NCOA2: variants seen among roughly 807,000 people sequenced by gnomAD.
The protein encoded by NCOA2 is nuclear receptor coactivator 2, also known as class E basic helix-loop-helix protein 75.
Under a neutral mutation model 145.1 loss-of-function variants are expected in NCOA2, and 21 were observed. That is an observed-to-expected ratio of 0.14 (90% confidence interval 0.10 to 0.21). The LOEUF (loss-of-function observed/expected upper bound fraction) is 0.21, where lower values mean the gene tolerates loss of function less well. Among genes scored for constraint, NCOA2 ranks in the 10% least tolerant of loss-of-function variants. The probability of loss-of-function intolerance (pLI) is 1.00; values close to 1 mark genes in which losing one functional copy is unlikely to be tolerated. For synonymous variants in NCOA2, 619 were observed against 637.5 expected (o/e 0.97, Z 0.44); for missense variants, 1,472 against 1,837.6 (o/e 0.80, Z 3.64).
At chr8:70,235,849 A>T (rs1478814900) in intron 2 of NCOA2, among the ~76,000 whole-genome samples, 1 of 152,198 alleles carries the variant, frequency 6.6e-6, no homozygotes, top group Non-Finnish European at 1.5e-5. Context: ...GTCTCAAAAA[A>T]CAAATTTTTT....
intron 2 of NCOA2, among the ~76,000 whole-genome samples, chr8:70,253,380 G>C (rs1367404081): frequency 6.6e-6 from 1 of 151,992 alleles, no homozygotes; most frequent in African/African-American, 2.4e-5. Flanking sequence ...CTGCCCTCCA[G>C]GGACTCATAA....
At chr8:70,170,555 T>C (rs186562136) in intron 5 of NCOA2, among the ~76,000 whole-genome samples, 176 bp from the exon 6 acceptor site, 16 of 152,302 alleles carry the variant, frequency 1.1e-4, no homozygotes, top group East Asian at 1.9e-4. Context: ...CTTGGTGAAA[T>C]AGAAATTATT....
At chr8:70,191,772 G>T (rs954333229) in intron 4 of NCOA2, among the ~76,000 whole-genome samples, 2 of 152,212 alleles carry the variant, frequency 1.3e-5, no homozygotes, top group Admixed American at 1.3e-4. Context: ...CAGGGACGGT[G>T]GCTCATGCCT....
intron 1 of NCOA2, among the ~76,000 whole-genome samples, chr8:70,309,159 C>T (rs569769353): frequency 6.6e-6 from 1 of 152,230 alleles, no homozygotes; most frequent in Non-Finnish European, 1.5e-5. Flanking sequence ...AAATGCCCAG[C>T]CAGGCCCCAT....
At chr8:70,225,346 G>A (rs186547909) in intron 2 of NCOA2, among the ~76,000 whole-genome samples, 2 of 152,148 alleles carry the variant, frequency 1.3e-5, no homozygotes, top group East Asian at 1.9e-4. Context: ...TCAGACGTTC[G>A]AGACCAACAT....
intron 2 of NCOA2, among the ~76,000 whole-genome samples, chr8:70,266,226 G>A (rs899971363): frequency 1.3e-5 from 2 of 152,272 alleles, no homozygotes; most frequent in African/African-American, 4.8e-5. Flanking sequence ...ACAGTGGCAC[G>A]ATCACAGTTT....
At chr8:70,270,683 T>C (rs1238955024) in intron 2 of NCOA2, among the ~76,000 whole-genome samples, 1 of 152,194 alleles carries the variant, frequency 6.6e-6, no homozygotes, top group African/African-American at 2.4e-5. Flanking sequence ...CTTTAGTCTT[T>C]TCTGCTACCT....
chr8:70,162,588 G>T, intron 9 of NCOA2, 123 bp downstream of exon 9: 1 of 983,102 alleles, frequency 1.0e-6, no homozygotes, highest in Non-Finnish European at 1.4e-6. Flanking sequence ...CAACACTGGG[G>T]CCAGATGAGA....
chr8:70,391,719 C>T (rs1046458985), intron 1 of NCOA2, among the ~76,000 whole-genome samples: 3 of 152,138 alleles, frequency 2.0e-5, no homozygotes, highest in Non-Finnish European at 4.4e-5. Flanking sequence ...AAACAAACCA[C>T]GGGAACTGGT....
At chr8:70,382,285 C>G (rs1812267658) in intron 1 of NCOA2, among the ~76,000 whole-genome samples, 1 of 151,992 alleles carries the variant, frequency 6.6e-6, no homozygotes, top group Admixed American at 6.6e-5. Context: ...GGAGGCCCAC[C>G]TGACACAAGC....
chr8:70,323,799 T>C (rs1806306840), intron 1 of NCOA2, among the ~76,000 whole-genome samples: 2 of 152,166 alleles, frequency 1.3e-5, no homozygotes, highest in South Asian at 4.1e-4. Flanking sequence ...AAAAAAATAG[T>C]TTTTAAAATG....
intron 1 of NCOA2, among the ~76,000 whole-genome samples, chr8:70,385,405 A>G (rs780138836): frequency 1.3e-4 from 20 of 152,206 alleles, no homozygotes; most frequent in Non-Finnish European, 1.5e-5. Context: ...TGAAAAACAA[A>G]TACTCTTGTA....
chr8:70,264,125 T>C (rs1586298184), intron 2 of NCOA2, among the ~76,000 whole-genome samples: 1 of 151,782 alleles, frequency 6.6e-6, no homozygotes, highest in African/African-American at 2.4e-5. Context: ...GGCAGGAGAA[T>C]CACTTGAACC....
chr8:70,154,564 C>G (rs1302137283), intron 11 of NCOA2, among the ~76,000 whole-genome samples: 1 of 152,164 alleles, frequency 6.6e-6, no homozygotes, highest in Non-Finnish European at 1.5e-5. Context: ...GCCACCACAC[C>G]TAGCTAATTT....
chr8:70,302,440 T>C (rs924871570), intron 1 of NCOA2, among the ~76,000 whole-genome samples: 1 of 152,194 alleles, frequency 6.6e-6, no homozygotes, highest in Non-Finnish European at 1.5e-5. Flanking sequence ...ATACCTCCAC[T>C]GCAGACAATA....
At chr8:70,231,684 C>T (rs1821145079) in intron 2 of NCOA2, among the ~76,000 whole-genome samples, 1 of 152,176 alleles carries the variant, frequency 6.6e-6, no homozygotes, top group African/African-American at 2.4e-5. Flanking sequence ...CACCACTTCC[C>T]TGCAGTCCAC....
the NCOA2 span, among the ~76,000 whole-genome samples, chr8:70,450,055 G>GT: frequency 3.9e-5 from 6 of 152,020 alleles, no homozygotes; most frequent in African/African-American, 9.7e-5. Flanking sequence ...GGGTGATAAC[G>GT]TAAGAGGTTG....
intron 1 of NCOA2, among the ~76,000 whole-genome samples, chr8:70,297,676 A>G (rs1363296706): frequency 6.6e-6 from 1 of 152,212 alleles, no homozygotes; most frequent in Non-Finnish European, 1.5e-5. Flanking sequence ...ATAATAACCA[A>G]GATAATTTGC....
chr8:70,296,982 G>C (rs1199553211), intron 1 of NCOA2, among the ~76,000 whole-genome samples, 182 bp from the exon 2 acceptor site: 1 of 152,198 alleles, frequency 6.6e-6, no homozygotes, highest in Non-Finnish European at 1.5e-5. Context: ...AAGTAGACTT[G>C]CTGCATTACT....
Sources: allele counts gnomAD v4.1 joint callset (sites outside exome capture counted in the v4.1 genomes callset), GRCh38; gene constraint gnomAD v4.1.1; transcripts MANE v1.5; gene names NCBI Gene and HGNC (gene_info 2026-07-23, HGNC 2026-07-21).